MACROD2: variants seen among roughly 807,000 people sequenced by gnomAD.
MACROD2 encodes mono-ADP ribosylhydrolase 2.
In MACROD2, 36 loss-of-function variants were observed where a neutral mutation model predicts 70.4. That is an observed-to-expected ratio of 0.51 (90% CI 0.39 to 0.68). The LOEUF (loss-of-function observed/expected upper bound fraction) is 0.68, where lower values mean the gene tolerates loss of function less well. Ranked by LOEUF, MACROD2 falls within the 30% of genes least tolerant of loss-of-function variation. The pLI, the probability that MACROD2 is intolerant of heterozygous loss-of-function variation, is 0.00. For missense variants in MACROD2, 496 were observed against 538.4 expected (o/e 0.92, Z 0.78); for synonymous variants, 172 against 178.8 (o/e 0.96, Z 0.30).
chr20:15,530,589 G>A (rs574790899), intron 8 of MACROD2, among the ~76,000 whole-genome samples: 20 of 151,726 alleles, frequency 1.3e-4, no homozygotes, highest in African/African-American at 3.6e-4. Context: ...AAAATTAGCC[G>A]GGCGTAGTGG....
chr20:15,204,714 A>C (rs1030996461), intron 5 of MACROD2, among the ~76,000 whole-genome samples: 1 of 152,164 alleles, frequency 6.6e-6, no homozygotes, highest in Non-Finnish European at 1.5e-5. Flanking sequence ...GATTGTGCCT[A>C]TAAATTCAGA....
intron 12 of MACROD2, among the ~76,000 whole-genome samples, chr20:15,951,907 A>G (rs985968546): frequency 1.4e-4 from 21 of 152,188 alleles, no homozygotes; most frequent in African/African-American, 4.8e-4. Context: ...ATTCTATCCT[A>G]AACGTGTTAT....
At chr20:15,268,624 G>A (rs2146061120) in intron 6 of MACROD2, among the ~76,000 whole-genome samples, 1 of 152,342 alleles carries the variant, frequency 6.6e-6, no homozygotes, top group African/African-American at 2.4e-5. Context: ...CTGCACTCCA[G>A]CCTGGGTGAC....
chr20:14,374,831 A>G (rs978726494), intron 3 of MACROD2, among the ~76,000 whole-genome samples: 2 of 152,144 alleles, frequency 1.3e-5, no homozygotes, highest in African/African-American at 2.4e-5. Context: ...CGAAAAAAAC[A>G]AGCTTTTTGA....
At chr20:15,051,704 A>G (rs1258320738) in intron 5 of MACROD2, among the ~76,000 whole-genome samples, 1 of 151,776 alleles carries the variant, frequency 6.6e-6, no homozygotes, top group Non-Finnish European at 1.5e-5. Flanking sequence ...ATAACTGAGT[A>G]CTAAAGTCTT....
intron 6 of MACROD2, among the ~76,000 whole-genome samples, chr20:15,231,345 T>C (rs1454583320): frequency 6.6e-6 from 1 of 152,016 alleles, no homozygotes; most frequent in South Asian, 2.1e-4. Flanking sequence ...GACCAGTTGG[T>C]TAATTTTGTT....
Position 15,695,231 on chromosome 20 carries a change from A to AT in MACROD2, c.646-167506dup, listed in dbSNP as rs569173992. Among the ~76,000 whole-genome samples the AT allele has an allele frequency of 4.6e-5, 7 of 151,444 alleles. No homozygotes were observed. In the East Asian group the frequency reaches 5.8e-4, roughly 13 times the overall value. On this transcript the variant is annotated intron_variant, in intron 8 of 17. Coordinates refer to ENST00000684519, the MANE Select transcript of MACROD2 (RefSeq NM_001351661.2). ...TTTTTGGTTCCATATGAATTTTAGA[A>AT]TTTTTTTTCTAATTCTGTGAAGAAT...
chr20:14,158,445 C>G (rs1254876321), intron 3 of MACROD2, among the ~76,000 whole-genome samples: 1 of 151,960 alleles, frequency 6.6e-6, no homozygotes, highest in South Asian at 2.1e-4. Flanking sequence ...AGCTTAATGT[C>G]TCTATTTTTT....
At chr20:15,703,335 G>A (rs1357851955) in intron 8 of MACROD2, among the ~76,000 whole-genome samples, 3 of 152,144 alleles carry the variant, frequency 2.0e-5, no homozygotes, top group African/African-American at 7.2e-5. Context: ...TGCCCAGAAT[G>A]GAGATAGCAA....
At chr20:15,957,634 A>C (rs943579734) in intron 12 of MACROD2, among the ~76,000 whole-genome samples, 3 of 152,156 alleles carry the variant, frequency 2.0e-5, no homozygotes, top group African/African-American at 7.2e-5. Flanking sequence ...CACAAGTGGG[A>C]TCCTTCCAAG....
chr20:15,220,304 A>G (rs904141736), intron 5 of MACROD2, among the ~76,000 whole-genome samples: 8 of 152,308 alleles, frequency 5.3e-5, no homozygotes, highest in African/African-American at 1.9e-4. Flanking sequence ...CTTTTATTTA[A>G]TCACCCACAG....
In MACROD2 at chr20:15,369,018, T is replaced by C. The variant is rs531086466; in HGVS notation, c.541-62387T>C. Among the ~76,000 whole-genome samples the C allele has an allele frequency of 2.9e-3, 440 of 152,296 alleles. 4 individuals carry two copies. The highest frequency in any genetic ancestry group is 3.7e-3 in the Admixed American group (57 of 15,304). The stretch of plus-strand genomic sequence containing the variant: ...TATCTTAGTATATGTGAATAGAGTA[T>C]ATGTCTGGTATGAATTGTGCCATTA... On this transcript the variant is annotated intron_variant, in intron 6 of 17. Transcript: ENST00000684519.
At chr20:14,791,732 A>G (rs16994977) in intron 5 of MACROD2, among the ~76,000 whole-genome samples, 6,253 of 152,080 alleles carry the variant, frequency 0.041, 449 homozygotes, top group African/African-American at 0.14. Context: ...AAATTCGTAT[A>G]TGTAACTGTA....
chr20:14,949,519 G>T (rs1402358280), intron 5 of MACROD2, among the ~76,000 whole-genome samples: 1 of 152,160 alleles, frequency 6.6e-6, no homozygotes, highest in Non-Finnish European at 1.5e-5. Flanking sequence ...TTTATAATGT[G>T]ATTTCAGGTC....
chr20:15,927,691 A>G (rs938751091), intron 10 of MACROD2, among the ~76,000 whole-genome samples: 2 of 152,186 alleles, frequency 1.3e-5, no homozygotes, highest in Admixed American at 1.3e-4. Context: ...GCACTAAAAG[A>G]TGCACATGAG....
intron 5 of MACROD2, among the ~76,000 whole-genome samples, chr20:14,807,855 C>A (rs747355832): frequency 6.6e-5 from 10 of 151,866 alleles, no homozygotes; most frequent in Non-Finnish European, 1.2e-4. Context: ...GATTGAAGAT[C>A]AACTTAATGA....
chr20:14,999,298 A>G (rs1282810900), intron 5 of MACROD2, among the ~76,000 whole-genome samples: 2 of 152,244 alleles, frequency 1.3e-5, no homozygotes, highest in African/African-American at 4.8e-5. Context: ...TTCAGTAGGA[A>G]GACTCAAAGC....
At chr20:15,693,122 CTT>C (rs1028938603) in intron 8 of MACROD2, among the ~76,000 whole-genome samples, 1 of 152,114 alleles carries the variant, frequency 6.6e-6, no homozygotes, top group African/African-American at 2.4e-5. Flanking sequence ...CATTAAAACT[CTT>C]TTCTTCATAG....
At chr20:14,670,464 G>A (rs1757190100) in intron 4 of MACROD2, among the ~76,000 whole-genome samples, 1 of 152,118 alleles carries the variant, frequency 6.6e-6, no homozygotes, top group Non-Finnish European at 1.5e-5. Context: ...GGCCCCTTCA[G>A]TGAACTGTTT....
Sources: allele counts gnomAD v4.1 joint callset (sites outside exome capture counted in the v4.1 genomes callset), GRCh38; gene constraint gnomAD v4.1.1; transcripts MANE v1.5; gene names NCBI Gene and HGNC (gene_info 2026-07-23, HGNC 2026-07-21).